The following PDGFRL variants were observed in gnomAD, a reference collection of about 807,000 sequenced individuals.
PDGFRL encodes the protein platelet-derived growth factor receptor-like protein.
A neutral mutation model predicts 37.2 loss-of-function variants in PDGFRL; 46 were observed. The observed-to-expected ratio is 1.24, with a 90% CI of 0.98 to 1.58. The LOEUF is 1.58. Ranked by LOEUF, PDGFRL falls within the 40% of genes most tolerant of loss-of-function variation. The pLI, the probability that PDGFRL is intolerant of heterozygous loss-of-function variation, is 0.00. For missense variants in PDGFRL, 692 were observed against 467.6 expected, an observed-to-expected ratio of 1.48 and a Z score of -4.43; for synonymous variants, 251 against 184.3, an observed-to-expected ratio of 1.36 and a Z score of -2.93.
At chr8:17,597,847 G>C (rs994305301) in intron 2 of PDGFRL, among the ~76,000 whole-genome samples, 4 of 152,056 alleles carry the variant, frequency 2.6e-5, no homozygotes, top group African/African-American at 9.7e-5. Context: ...TGGGATTTGG[G>C]AATTTGTTTA....
chr8:17,605,208 A>G lies in PDGFRL; in HGVS notation c.353+15443A>G, dbSNP rs1804248359. Among the ~76,000 whole-genome samples the G allele has an allele frequency of 2.6e-5, 4 of 152,096 alleles. 1 individual carries two copies. The highest frequency in any genetic ancestry group is 9.7e-5 in the African/African-American group (4 of 41,434). On this transcript the variant is annotated intron_variant, in intron 2 of 5. Transcript: ENST00000251630. ...GAAGATGCTGAGTAATATAAACCGCATTGTGAGGGTTAGCCGTCCTCATTG... is the reference window on the plus strand; with the variant it reads ...GAAGATGCTGAGTAATATAAACCGCGTTGTGAGGGTTAGCCGTCCTCATTG...
In PDGFRL at chr8:17,589,636, G is replaced by T; in HGVS notation, c.224G>T (p.Gly75Val). The change falls in exon 2 of 6, where the codon GGT (glycine) becomes GTT (valine). Residue 75 changes from glycine (G) to valine (V), a missense_variant. Transcript: ENST00000251630. ...QSIMMQVLDK[G>V]RFQKPAATLS... ...ATCATGATGCAAGTGCTGGATAAAG[G>T]TCGCTTCCAGAAACCCGCCGCTACC... is the stretch of plus-strand genomic sequence containing the variant. 6.2e-7 allele frequency: 1 copy of T among 1,613,998 alleles called. No individual in the cohort carries two copies. The highest frequency in any genetic ancestry group is 8.5e-7 in the Non-Finnish European group (1 of 1,179,930).
At position 17,584,051 on chromosome 8, in the gene PDGFRL, G is replaced by A. The variant is rs145159041; in HGVS notation, c.56-5417G>A. 3.3e-4 allele frequency among the ~76,000 whole-genome samples: 51 copies of A among 152,318 alleles called. 1 individual carries two copies. Among genetic ancestry groups the A allele is most frequent in the African/African-American group, 1.2e-3 (48 of 41,560 alleles). ...TGCTTAGGAGATAGTATAAATGTCT[G>A]GATGGTAAGTGGCTTGGCCCAGGCT... is the stretch of plus-strand genomic sequence containing the variant. On this transcript the variant is annotated intron_variant, in intron 1 of 5. Coordinates refer to ENST00000251630, the MANE Select transcript of PDGFRL (RefSeq NM_001372073.1).
At chr8:17,584,256 C>T (rs1413731573) in intron 1 of PDGFRL, among the ~76,000 whole-genome samples, 1 of 152,142 alleles carries the variant, frequency 6.6e-6, no homozygotes, top group African/African-American at 2.4e-5. Flanking sequence ...CAGGAAGGAG[C>T]ATGTCTGAAG....
upstream of PDGFRL, chr8:17,576,841 T>C: frequency 3.2e-6 from 1 of 308,776 alleles, no homozygotes; most frequent in Non-Finnish European, 5.1e-6. Context: ...AGGTTCTGCC[T>C]GAGGAGGTGG....
chr8:17,580,675 G>C (rs941406468), intron 1 of PDGFRL, among the ~76,000 whole-genome samples: 40 of 152,272 alleles, frequency 2.6e-4, no homozygotes, highest in Admixed American at 2.2e-3. Flanking sequence ...GGTCTATTAG[G>C]TTCCTAGGGC....
chr8:17,606,195 A>C (rs1804272891), intron 2 of PDGFRL, among the ~76,000 whole-genome samples: 2 of 151,532 alleles, frequency 1.3e-5, no homozygotes, highest in African/African-American at 4.8e-5. Context: ...TTTTTCAAAT[A>C]ATTTATATTT....
intron 3 of PDGFRL, among the ~76,000 whole-genome samples, chr8:17,626,752 C>T (rs901141245): frequency 3.3e-5 from 5 of 152,148 alleles, no homozygotes; most frequent in Admixed American, 6.5e-5. Flanking sequence ...AGAAAAGCCA[C>T]CAGCACCAAC....
chr8:17,597,094 C>G (rs1314304279), intron 2 of PDGFRL, among the ~76,000 whole-genome samples: 1 of 152,166 alleles, frequency 6.6e-6, no homozygotes, highest in African/African-American at 2.4e-5. Flanking sequence ...GATCTCAGCT[C>G]ACTGCAACCT....
chr8:17,591,094 G>C (rs1803929220), intron 2 of PDGFRL, among the ~76,000 whole-genome samples: 1 of 152,028 alleles, frequency 6.6e-6, no homozygotes, highest in African/African-American at 2.4e-5. Context: ...ATGTTAGCCA[G>C]GATGGTCTCA....
At chr8:17,597,808 G>A (rs1478205030) in intron 2 of PDGFRL, among the ~76,000 whole-genome samples, 2 of 152,052 alleles carry the variant, frequency 1.3e-5, no homozygotes, top group African/African-American at 4.8e-5. Flanking sequence ...AAACAAGATG[G>A]TCTCTAAGGA....
intron 1 of PDGFRL, among the ~76,000 whole-genome samples, chr8:17,585,422 G>C (rs1803795018): frequency 6.6e-6 from 1 of 152,116 alleles, no homozygotes; most frequent in African/African-American, 2.4e-5. Context: ...TTCTCGAAAG[G>C]AAGAGAGAAA....
chr8:17,606,121 A>T (rs1478633774), intron 2 of PDGFRL, among the ~76,000 whole-genome samples: 2 of 152,248 alleles, frequency 1.3e-5, no homozygotes, highest in Non-Finnish European at 2.9e-5. Context: ...ATTGAGAAAG[A>T]ATCTGCACAG....
In PDGFRL at chr8:17,581,745, C is replaced by G. The variant is rs538233796; in HGVS notation, c.55+4438C>G. 2.0e-5 allele frequency among the ~76,000 whole-genome samples: 3 copies of G among 152,270 alleles called. No individual in the cohort carries two copies. In the East Asian group the frequency reaches 5.8e-4, roughly 29 times the overall value. Reference sequence around the variant, plus strand: ...TGCCCTGAGTGGAAGCAGTCTGAGGCCTTCATTGGAAGCAGATGTTGGTTC... The same window carrying G: ...TGCCCTGAGTGGAAGCAGTCTGAGGGCTTCATTGGAAGCAGATGTTGGTTC... On this transcript the variant is annotated intron_variant, in intron 1 of 5. Transcript: ENST00000251630.
At chr8:17,587,385 A>G (rs1390252122) in intron 1 of PDGFRL, among the ~76,000 whole-genome samples, 1 of 152,180 alleles carries the variant, frequency 6.6e-6, no homozygotes, top group Admixed American at 6.5e-5. Flanking sequence ...CATAGGATTT[A>G]CAGATGGTTA....
chr8:17,576,717 C>T (rs1460472541), upstream of PDGFRL: 2 of 985,092 alleles, frequency 2.0e-6, no homozygotes, highest in Non-Finnish European at 2.4e-6. Context: ...CAACTCTGGC[C>T]AGACACAGAG....
chr8:17,597,034 G>GT (rs142149810), intron 2 of PDGFRL, among the ~76,000 whole-genome samples: 21,997 of 151,968 alleles, frequency 0.14, 4,263 homozygotes, highest in African/African-American at 0.43. Context: ...TTTTGTTTTT[G>GT]TTTTTTGGCA....
intron 3 of PDGFRL, among the ~76,000 whole-genome samples, chr8:17,622,551 T>C (rs1804655554): frequency 6.6e-6 from 1 of 152,228 alleles, no homozygotes; most frequent in Non-Finnish European, 1.5e-5. Flanking sequence ...GATGCATTAG[T>C]AGGGTATGCT....
At chr8:17,579,829 C>G (rs1803668791) in intron 1 of PDGFRL, among the ~76,000 whole-genome samples, 1 of 151,946 alleles carries the variant, frequency 6.6e-6, no homozygotes, top group African/African-American at 2.4e-5. Flanking sequence ...AGATGGGGAG[C>G]TGGAAAGGCA....
Sources: allele counts gnomAD v4.1 joint callset (sites outside exome capture counted in the v4.1 genomes callset), GRCh38; gene constraint gnomAD v4.1.1; transcripts MANE v1.5; gene names NCBI Gene and HGNC (gene_info 2026-07-23, HGNC 2026-07-21).